The following NWD2 variants were observed in gnomAD, a reference collection of about 807,000 sequenced individuals.
NWD2 encodes the protein NACHT and WD repeat domain-containing protein 2.
Under a neutral mutation model 132.7 loss-of-function variants are expected in NWD2, and 37 were observed. The observed-to-expected ratio is 0.28, with a 90% CI of 0.21 to 0.37. NWD2 has a LOEUF of 0.37. NWD2 is among the 10% of genes least tolerant of loss of function. NWD2 has a pLI of 1.00. For synonymous variants in NWD2, 705 were observed against 803.0 expected (o/e 0.88, Z 2.06); for missense variants, 1,592 against 2,122.4 (o/e 0.75, Z 4.91).
intron 4 of NWD2, among the ~76,000 whole-genome samples, chr4:37,431,794 C>T (rs1450246157): frequency 6.6e-6 from 1 of 152,122 alleles, no homozygotes; most frequent in Non-Finnish European, 1.5e-5. Flanking sequence ...TTGTCACTCA[C>T]CTTTCCATTT....
chr4:37,312,079 T>G lies in NWD2; in HGVS notation c.152-13857T>G, dbSNP rs1053813425. 8.0e-4 allele frequency among the ~76,000 whole-genome samples: 121 copies of G among 151,978 alleles called. 5 individuals carry two copies. The highest frequency in any genetic ancestry group is 1.8e-4 in the Non-Finnish European group (12 of 68,014). On this transcript the variant is annotated intron_variant, in intron 1 of 6. Coordinates refer to ENST00000309447, the MANE Select transcript of NWD2 (RefSeq NM_001144990.2). Reference sequence around the variant, plus strand: ...AGGTAGCGTGATGCCTCCAGCTTTGTTCTTTTGGCTTAGGATTGACTTGGC... The same window carrying G: ...AGGTAGCGTGATGCCTCCAGCTTTGGTCTTTTGGCTTAGGATTGACTTGGC...
intron 3 of NWD2, among the ~76,000 whole-genome samples, chr4:37,394,808 T>TTTG (rs1720751134): frequency 1.0e-5 from 1 of 95,598 alleles, no homozygotes; most frequent in Admixed American, 1.1e-4. Flanking sequence ...GGTTTTTTTT[T>TTTG]TTTTTTTTTT....
chr4:37,278,487 A>G (rs1718068492), intron 1 of NWD2, among the ~76,000 whole-genome samples: 2 of 152,196 alleles, frequency 1.3e-5, no homozygotes, highest in Admixed American at 6.5e-5. Flanking sequence ...CATATCAACC[A>G]TACTGGACAA....
intron 3 of NWD2, among the ~76,000 whole-genome samples, chr4:37,409,936 C>G (rs1400246106): frequency 6.6e-6 from 1 of 152,106 alleles, no homozygotes; most frequent in Non-Finnish European, 1.5e-5. Context: ...AAATAAAATC[C>G]TTTACACACA....
intron 3 of NWD2, among the ~76,000 whole-genome samples, chr4:37,384,311 T>G (rs1221470252): frequency 2.0e-5 from 3 of 152,228 alleles, no homozygotes; most frequent in Non-Finnish European, 4.4e-5. Flanking sequence ...ATTGTCAAAC[T>G]GCAGCACATT....
intron 3 of NWD2, among the ~76,000 whole-genome samples, chr4:37,395,964 C>G (rs1030981182): frequency 2.6e-5 from 4 of 151,828 alleles, no homozygotes; most frequent in African/African-American, 9.7e-5. Flanking sequence ...TGTATTGCTT[C>G]CCCAGTGGGA....
At position 37,245,079 on chromosome 4, in the gene NWD2, C is replaced by T. The variant is rs1259031063; in HGVS notation, c.12C>T (p.Ala4=). The T allele has an allele frequency of 1.9e-6, 3 of 1,545,816 alleles. No individual in the cohort carries two copies. The highest frequency in any genetic ancestry group is 2.6e-6 in the Non-Finnish European group (3 of 1,146,454). ...CCTCCCAGAGGGCGATGTGGCCGGC[C>T]GGCGCGGGCACCAAGCTGCCCTGTC... MWP[A]GAGTKLPCPR... Residue 4 remains alanine, a synonymous_variant, in exon 1 of 7, where the codon GCC becomes GCT. Coordinates refer to ENST00000309447, the MANE Select transcript of NWD2 (RefSeq NM_001144990.2).
At chr4:37,257,125 A>T (rs2109257617) in intron 1 of NWD2, among the ~76,000 whole-genome samples, 1 of 152,212 alleles carries the variant, frequency 6.6e-6, no homozygotes. Context: ...AGCCAGCACC[A>T]CCTGGCCAAC....
intron 2 of NWD2, among the ~76,000 whole-genome samples, chr4:37,331,608 G>T (rs1048069281): frequency 6.6e-6 from 1 of 152,110 alleles, no homozygotes; most frequent in East Asian, 1.9e-4. Flanking sequence ...ATGTCATATT[G>T]TGTCAATGAG....
chr4:37,328,001 C>G (rs966548387), intron 2 of NWD2, among the ~76,000 whole-genome samples: 1 of 152,098 alleles, frequency 6.6e-6, no homozygotes, highest in African/African-American at 2.4e-5. Flanking sequence ...CCCTGCTTCA[C>G]CTCCTGGATT....
intron 3 of NWD2, among the ~76,000 whole-genome samples, chr4:37,386,458 G>A (rs955379090): frequency 3.3e-5 from 5 of 152,136 alleles, no homozygotes; most frequent in South Asian, 4.2e-4. Flanking sequence ...GGTGCTTACT[G>A]TACTCTCTGC....
chr4:37,337,587 C>G (rs758018961), intron 2 of NWD2, among the ~76,000 whole-genome samples: 4 of 152,192 alleles, frequency 2.6e-5, no homozygotes, highest in Non-Finnish European at 5.9e-5. Flanking sequence ...CCCCTTTGGT[C>G]TGGGGTTTGT....
chr4:37,412,333 C>T (rs1353134955), intron 3 of NWD2, among the ~76,000 whole-genome samples: 1 of 152,180 alleles, frequency 6.6e-6, no homozygotes, highest in Non-Finnish European at 1.5e-5. Flanking sequence ...CATTCCTATA[C>T]ACCAGTAACA....
In NWD2 at chr4:37,446,890, C is replaced by A. The variant is rs1190520888; in HGVS notation, c.4902C>A (p.Gly1634=). The A allele has an allele frequency of 1.4e-6, 2 of 1,458,240 alleles. No individual in the cohort carries two copies. Among genetic ancestry groups the A allele is most frequent in the Non-Finnish European group, 9.1e-7 (1 of 1,094,522 alleles). The allele number at this position is 1,458,240 out of a possible 1,614,324, so 90.3% of individuals were successfully genotyped here. A position where few individuals can be genotyped will look rare whatever the true frequency, so the allele number is the denominator to read the frequency against. The change falls in exon 7 of 7, where the codon GGC becomes GGA. Residue 1634 remains glycine (G), a synonymous_variant. Coordinates refer to ENST00000309447, the MANE Select transcript of NWD2 (RefSeq NM_001144990.2). The surrounding 1 kb of genome is among the most constrained non-coding windows in gnomAD (Gnocchi z 6.7). ...AGAGGCACCTGAACATCATTGTGGG[C>A]TTTGATGATGGGAGTATAGGGATCT... ...LSQRHLNIIV[G]FDDGSIGIYT... is the part of the protein sequence containing the mutation.
intron 3 of NWD2, among the ~76,000 whole-genome samples, chr4:37,407,029 A>G (rs1721056686): frequency 6.6e-6 from 1 of 152,194 alleles, no homozygotes; most frequent in African/African-American, 2.4e-5. Flanking sequence ...GTTGGAGTTG[A>G]ACAATGAGAA....
intron 2 of NWD2, among the ~76,000 whole-genome samples, chr4:37,336,264 A>G (rs909228531): frequency 3.9e-5 from 6 of 152,162 alleles, no homozygotes; most frequent in Non-Finnish European, 7.3e-5. Flanking sequence ...ATATTTTAAG[A>G]TAATATCTAA....
intron 2 of NWD2, among the ~76,000 whole-genome samples, chr4:37,342,365 G>C (rs1352463536): frequency 6.6e-6 from 1 of 152,130 alleles, no homozygotes; most frequent in Admixed American, 6.5e-5. Context: ...AAGCCAAGCA[G>C]ATGCTGGCGC....
intron 1 of NWD2, among the ~76,000 whole-genome samples, chr4:37,320,690 C>T (rs1433356793): frequency 1.3e-5 from 2 of 152,096 alleles, no homozygotes; most frequent in African/African-American, 2.4e-5. Context: ...AACACAACCC[C>T]AGAAGTCGAA....
At chr4:37,302,339 A>G (rs927328570) in intron 1 of NWD2, among the ~76,000 whole-genome samples, 1 of 152,026 alleles carries the variant, frequency 6.6e-6, no homozygotes, top group Non-Finnish European at 1.5e-5. Context: ...TATTTACCAT[A>G]ATTTCTTTAT....
Sources: gnomAD v4.1 joint callset for allele counts (sites outside exome capture counted in the v4.1 genomes callset) on GRCh38, gnomAD v4.1.1 for gene constraint, Gnocchi (gnomAD v3.1) non-coding constraint, MANE v1.5 for transcripts, NCBI Gene and HGNC (gene_info 2026-07-23, HGNC 2026-07-21) for gene names.